Variants in ZNF236 observed in about 807,000 individuals in gnomAD.
ZNF236 encodes regulated by glucose.
ZNF236 carries 50 observed loss-of-function variants against 191.2 expected under a neutral mutation model. That is an observed-to-expected ratio of 0.26 (90% CI 0.21 to 0.33). The LOEUF is 0.33. ZNF236 is among the 10% of genes least tolerant of loss of function. ZNF236 has a pLI of 1.00. For missense variants in ZNF236, 1,754 were observed against 2,374.5 expected (o/e 0.74, Z 5.43); for synonymous variants, 907 against 928.8 (o/e 0.98, Z 0.43).
At chr18:76,868,461 TTCTG>T (rs1324758404) in intron 3 of ZNF236, among the ~76,000 whole-genome samples, 2 of 152,224 alleles carry the variant, frequency 1.3e-5, no homozygotes, top group Non-Finnish European at 2.9e-5. Flanking sequence ...TTCCCAATGT[TTCTG>T]TCTTTTTCTT....
chr18:76,963,923 C>T (rs1968716467), intron 30 of ZNF236, among the ~76,000 whole-genome samples: 1 of 152,126 alleles, frequency 6.6e-6, no homozygotes, highest in South Asian at 2.1e-4. Flanking sequence ...GTGATAGCTC[C>T]CATTTCGCTT....
At chr18:76,928,183 A>G in intron 25 of ZNF236, 77 bp downstream of exon 25, 1 of 1,205,854 alleles carries the variant, frequency 8.3e-7, no homozygotes, top group South Asian at 1.7e-5. Flanking sequence ...CTTTTCCTAC[A>G]ATACTCTGCT....
At chr18:76,860,934 C>T (rs1976200952) in intron 3 of ZNF236, among the ~76,000 whole-genome samples, 1 of 152,162 alleles carries the variant, frequency 6.6e-6, no homozygotes, top group South Asian at 2.1e-4. Context: ...AGAGGCTTTG[C>T]TGAAGTCTGG....
intron 27 of ZNF236, among the ~76,000 whole-genome samples, chr18:76,951,719 C>CT (rs1400328533): frequency 2.0e-5 from 3 of 152,182 alleles, no homozygotes; most frequent in Non-Finnish European, 4.4e-5. Context: ...CACAAGTTGG[C>CT]TAATAGTTTG....
chr18:76,825,725 C>T (rs1974995324), intron 1 of ZNF236, among the ~76,000 whole-genome samples: 2 of 152,164 alleles, frequency 1.3e-5, no homozygotes, highest in African/African-American at 2.4e-5. Context: ...ATAGGACAAA[C>T]ATCAATAGAT....
intron 10 of ZNF236, among the ~76,000 whole-genome samples, chr18:76,897,630 AAC>A (rs1335845284): frequency 1.3e-5 from 2 of 151,990 alleles, no homozygotes; most frequent in African/African-American, 4.8e-5. Context: ...CACAGTACCA[AAC>A]ACAGTACTGT....
At chr18:76,937,048 C>CG (rs1968018348) in intron 25 of ZNF236, 108 bp from the exon 26 acceptor site, 1 of 982,992 alleles carries the variant, frequency 1.0e-6, no homozygotes, top group Non-Finnish European at 1.5e-6. Context: ...TTGGAGACCT[C>CG]GGGCATGAAT....
chr18:76,894,428 A>G (rs1206819750), intron 9 of ZNF236, among the ~76,000 whole-genome samples: 1 of 152,118 alleles, frequency 6.6e-6, no homozygotes, highest in African/African-American at 2.4e-5. Context: ...TACTTACTAT[A>G]TTTCCATCAA....
At chr18:76,824,168 A>T in intron 1 of ZNF236, 2 of 612,630 alleles carry the variant, frequency 3.3e-6, no homozygotes, top group Non-Finnish European at 5.9e-6. Flanking sequence ...GGGCCTGGAA[A>T]CTACAAAGGA....
At chr18:76,937,052 C>A in intron 25 of ZNF236, 104 bp from the exon 26 acceptor site, 2 of 1,038,354 alleles carry the variant, frequency 1.9e-6, no homozygotes, top group Non-Finnish European at 2.9e-6. Flanking sequence ...AGACCTCGGG[C>A]ATGAATGCTG....
intron 9 of ZNF236, among the ~76,000 whole-genome samples, chr18:76,890,317 G>C (rs778314368): frequency 6.6e-6 from 1 of 151,982 alleles, no homozygotes; most frequent in Admixed American, 6.6e-5. Flanking sequence ...TAAAATCAAG[G>C]ACATCCTTGT....
intron 5 of ZNF236, among the ~76,000 whole-genome samples, chr18:76,873,180 C>G (rs1031968322): frequency 6.6e-6 from 1 of 152,026 alleles, no homozygotes; most frequent in African/African-American, 2.4e-5. Flanking sequence ...TAAACTTTAC[C>G]CAAAGTAGAG....
intron 3 of ZNF236, among the ~76,000 whole-genome samples, chr18:76,855,116 G>A (rs754898154): frequency 7.2e-5 from 11 of 152,102 alleles, no homozygotes; most frequent in Non-Finnish European, 1.6e-4. Flanking sequence ...TAGAGACGGG[G>A]TTTCGCCATG....
chr18:76,914,066 A>G (rs945860756), intron 18 of ZNF236, among the ~76,000 whole-genome samples, 168 bp downstream of exon 18: 1 of 152,246 alleles, frequency 6.6e-6, no homozygotes, highest in Non-Finnish European at 1.5e-5. Context: ...GGACATTTTT[A>G]TTACACATAA....
intron 11 of ZNF236, among the ~76,000 whole-genome samples, chr18:76,903,573 A>C (rs1266762073): frequency 2.0e-5 from 3 of 152,170 alleles, no homozygotes; most frequent in African/African-American, 7.2e-5. Context: ...AGAGGACAAA[A>C]TCTTGGCCAA....
intron 9 of ZNF236, among the ~76,000 whole-genome samples, chr18:76,893,875 A>G (rs1334796727): frequency 6.6e-6 from 1 of 152,206 alleles, no homozygotes; most frequent in African/African-American, 2.4e-5. Flanking sequence ...AATGGTTTCT[A>G]TCTTTACAGA....
At chr18:76,866,401 A>G (rs1487576846) in intron 3 of ZNF236, among the ~76,000 whole-genome samples, 1 of 152,200 alleles carries the variant, frequency 6.6e-6, no homozygotes, top group African/African-American at 2.4e-5. Flanking sequence ...TGAGAAGGCC[A>G]GGACAGGAGA....
intron 30 of ZNF236, among the ~76,000 whole-genome samples, chr18:76,961,581 T>C (rs1275935686): frequency 6.6e-6 from 1 of 152,210 alleles, no homozygotes; most frequent in Non-Finnish European, 1.5e-5. Context: ...AGATACCCAG[T>C]AGTGGGACTG....
chr18:76,892,168 G>GTTTTTT lies in ZNF236; in HGVS notation c.1418-2829_1418-2824dup. On this transcript the variant is annotated intron_variant, in intron 9 of 30. Coordinates refer to ENST00000320610, the MANE Select transcript of ZNF236 (RefSeq NM_001306089.2). ...TTTTCTTTTTGAAATTTTCTTCTGG[G>GTTTTTT]TTTTTTTTTTTTTTTTTTTTTGTAA... 3.6e-4 allele frequency among the ~76,000 whole-genome samples: 19 copies of GTTTTTT among 52,770 alleles called. 1 individual carries two copies. The highest frequency in any genetic ancestry group is 7.5e-4 in the East Asian group (1 of 1,328). The allele number at this position is 52,770 out of a possible 152,430, so 34.6% of individuals were successfully genotyped here.
Sources: allele counts gnomAD v4.1 joint callset (sites outside exome capture counted in the v4.1 genomes callset), GRCh38; gene constraint gnomAD v4.1.1; transcripts MANE v1.5; gene names NCBI Gene and HGNC (gene_info 2026-07-23, HGNC 2026-07-21).